Variants in MEI4 observed in about 807,000 individuals in gnomAD.
MEI4 encodes the protein meiosis-specific protein MEI4.
A neutral mutation model predicts 31.4 loss-of-function variants in MEI4; 27 were observed. That is an observed-to-expected ratio of 0.86 (90% CI 0.63 to 1.19). MEI4 has a LOEUF of 1.19. Among genes scored for constraint, MEI4 ranks in the 50% most tolerant of loss-of-function variants. The probability of loss-of-function intolerance (pLI) is 0.00; values close to 1 mark genes in which losing one functional copy is unlikely to be tolerated. For missense variants in MEI4, 329 were observed against 398.9 expected, an observed-to-expected ratio of 0.82 and a Z score of 1.49; for synonymous variants, 122 against 145.4, an observed-to-expected ratio of 0.84 and a Z score of 1.16.
At chr6:77,658,267 G>A (rs1768434834) in intron 1 of MEI4, among the ~76,000 whole-genome samples, 4 of 152,154 alleles carry the variant, frequency 2.6e-5, no homozygotes, top group Admixed American at 2.6e-4. Flanking sequence ...TCTTAAGGGT[G>A]GGGGAGATTA....
At chr6:77,746,612 T>C (rs1057217520) in intron 2 of MEI4, among the ~76,000 whole-genome samples, 1 of 151,292 alleles carries the variant, frequency 6.6e-6, no homozygotes, top group African/African-American at 2.4e-5. Flanking sequence ...AGCCAATTGC[T>C]TAAGTCAGTT....
intron 1 of MEI4, among the ~76,000 whole-genome samples, chr6:77,668,883 T>C (rs927155041): frequency 6.6e-6 from 1 of 152,212 alleles, no homozygotes; most frequent in African/African-American, 2.4e-5. Context: ...TCTGTGTTTT[T>C]TCTAAAGTGC....
chr6:77,669,063 A>G (rs1768689011), intron 1 of MEI4, among the ~76,000 whole-genome samples: 1 of 152,200 alleles, frequency 6.6e-6, no homozygotes. Context: ...GCAACTTCCT[A>G]TATTTATTTA....
At chr6:77,734,539 G>A (rs543461091) in intron 2 of MEI4, among the ~76,000 whole-genome samples, 58 of 152,050 alleles carry the variant, frequency 3.8e-4, no homozygotes, top group African/African-American at 1.2e-3. Flanking sequence ...GTCTCTGCAC[G>A]TGAGATGGGT....
rs1183173871 is a variant in MEI4, at chr6:77,802,199, G to T, written c.769-26732G>T. ...GTTATGATAGTTAGCTCTTCTTGTT[G>T]AATTGATCCCTTTACCCTTATGTAA... On this transcript the variant is annotated intron_variant, in intron 3 of 4. Coordinates refer to ENST00000684080, the MANE Select transcript of MEI4 (RefSeq NM_001322247.2). Among the ~76,000 whole-genome samples, 8 of 152,266 alleles carry T rather than the reference G, an allele frequency of 5.3e-5. No homozygotes were observed. In the East Asian group the frequency reaches 1.5e-3, roughly 29 times the overall value.
At chr6:77,877,895 G>T (rs182779312) in intron 4 of MEI4, among the ~76,000 whole-genome samples, 1 of 152,018 alleles carries the variant, frequency 6.6e-6, no homozygotes, top group East Asian at 1.9e-4. Context: ...ATAATCCATG[G>T]TATGACTATT....
intron 2 of MEI4, among the ~76,000 whole-genome samples, chr6:77,707,832 G>A (rs1482440161): frequency 6.6e-6 from 1 of 152,254 alleles, no homozygotes; most frequent in African/African-American, 2.4e-5. Context: ...GAGGGCGCAA[G>A]CCATAAGCCT....
At chr6:77,810,115 A>G (rs1582172230) in intron 3 of MEI4, among the ~76,000 whole-genome samples, 1 of 152,200 alleles carries the variant, frequency 6.6e-6, no homozygotes, top group East Asian at 1.9e-4. Context: ...TCTGGCTCCT[A>G]TATGTTGCCC....
intron 2 of MEI4, among the ~76,000 whole-genome samples, chr6:77,757,728 A>G (rs558688409): frequency 6.6e-6 from 1 of 152,264 alleles, no homozygotes; most frequent in Non-Finnish European, 1.5e-5. Context: ...TTTAACTTCC[A>G]TGAAAGAAAA....
At chr6:77,858,862 T>G (rs1450485012) in intron 4 of MEI4, among the ~76,000 whole-genome samples, 1 of 149,586 alleles carries the variant, frequency 6.7e-6, no homozygotes, top group East Asian at 1.9e-4. Flanking sequence ...GCACCTTTAA[T>G]GGAAAAAAAA....
intron 4 of MEI4, among the ~76,000 whole-genome samples, chr6:77,852,918 C>T (rs530901017): frequency 5.3e-5 from 8 of 151,994 alleles, no homozygotes; most frequent in South Asian, 2.1e-4. Context: ...CAGATTAGGC[C>T]GGGTGTGGTG....
At chr6:77,658,102 G>C (rs1469451372) in intron 1 of MEI4, among the ~76,000 whole-genome samples, 1 of 152,226 alleles carries the variant, frequency 6.6e-6, no homozygotes, top group Non-Finnish European at 1.5e-5. Context: ...GTGCAGGCGG[G>C]CTGAGTCCGA....
intron 2 of MEI4, among the ~76,000 whole-genome samples, chr6:77,702,524 T>C (rs528397080): frequency 3.3e-5 from 5 of 152,320 alleles, no homozygotes; most frequent in African/African-American, 1.2e-4. Flanking sequence ...TATAATAATT[T>C]CTTTCTGCAT....
At chr6:77,882,990 C>A (rs1771524327) in intron 4 of MEI4, among the ~76,000 whole-genome samples, 1 of 152,074 alleles carries the variant, frequency 6.6e-6, no homozygotes, top group African/African-American at 2.4e-5. Flanking sequence ...TGATAGTGAA[C>A]TTACTATGGA....
intron 2 of MEI4, among the ~76,000 whole-genome samples, chr6:77,743,613 A>C (rs922054792): frequency 3.9e-5 from 6 of 152,200 alleles, no homozygotes; most frequent in Non-Finnish European, 8.8e-5. Context: ...TGAAGATAGC[A>C]GTGGTTCTCC....
intron 3 of MEI4, among the ~76,000 whole-genome samples, chr6:77,790,669 C>A (rs550399501): frequency 6.6e-6 from 1 of 151,978 alleles, no homozygotes; most frequent in South Asian, 2.1e-4. Context: ...CAAGATCAAC[C>A]CAAAGAAAAT....
chr6:77,666,492 TAA>T (rs1768635492), intron 1 of MEI4, among the ~76,000 whole-genome samples: 1 of 152,144 alleles, frequency 6.6e-6, no homozygotes, highest in Admixed American at 6.5e-5. Context: ...GTGTGATTGA[TAA>T]GAGTTCATAG....
intron 1 of MEI4, among the ~76,000 whole-genome samples, chr6:77,660,649 G>A (rs947541883): frequency 1.3e-5 from 2 of 152,078 alleles, no homozygotes; most frequent in Non-Finnish European, 2.9e-5. Context: ...ATGAAGGGAT[G>A]TATTAGGCTC....
chr6:77,744,196 A>G (rs1036593433), intron 2 of MEI4, among the ~76,000 whole-genome samples: 16 of 152,148 alleles, frequency 1.1e-4, no homozygotes, highest in African/African-American at 3.9e-4. Context: ...ATTCAAACCA[A>G]AGGCAAAGAA....
Sources: allele counts gnomAD v4.1 joint callset (sites outside exome capture counted in the v4.1 genomes callset), GRCh38; gene constraint gnomAD v4.1.1; transcripts MANE v1.5; gene names NCBI Gene and HGNC (gene_info 2026-07-23, HGNC 2026-07-21).